The following GRIA4 variants were observed in gnomAD, a reference collection of about 807,000 sequenced individuals.
GRIA4 encodes glutamate receptor 4.
In GRIA4, 34 loss-of-function variants were observed where a neutral mutation model predicts 104.0. The observed-to-expected ratio is 0.33, with a 90% CI of 0.25 to 0.44. The LOEUF is 0.44. GRIA4 is among the 20% of genes least tolerant of loss of function. The pLI is 1.00. For missense variants in GRIA4, 750 were observed against 1,096.5 expected, an observed-to-expected ratio of 0.68 and a Z score of 4.46; for synonymous variants, 386 against 381.9, an observed-to-expected ratio of 1.01 and a Z score of -0.13.
At chr11:105,629,197 T>G (rs1238787285) in intron 3 of GRIA4, among the ~76,000 whole-genome samples, 1 of 151,742 alleles carries the variant, frequency 6.6e-6, no homozygotes, top group Non-Finnish European at 1.5e-5. Context: ...GCTATGATTG[T>G]ACTCCAGGCT....
intron 13 of GRIA4, among the ~76,000 whole-genome samples, chr11:105,930,639 G>A (rs1751283406): frequency 6.6e-6 from 1 of 152,038 alleles, no homozygotes; most frequent in Admixed American, 6.6e-5. Flanking sequence ...GCATTCTATA[G>A]TTAAGTGATC....
At chr11:105,973,071 C>T (rs1379067153) in intron 15 of GRIA4, among the ~76,000 whole-genome samples, 1 of 152,088 alleles carries the variant, frequency 6.6e-6, no homozygotes, top group African/African-American at 2.4e-5. Flanking sequence ...ATAATTAAAC[C>T]ATTACCTGAA....
chr11:105,758,222 T>C (rs1036798220), intron 4 of GRIA4, among the ~76,000 whole-genome samples: 5 of 152,124 alleles, frequency 3.3e-5, no homozygotes, highest in African/African-American at 1.2e-4. Flanking sequence ...TCAGCCTGGG[T>C]GACACAGGGA....
At chr11:105,844,359 C>T (rs1284441914) in intron 4 of GRIA4, among the ~76,000 whole-genome samples, 1 of 152,176 alleles carries the variant, frequency 6.6e-6, no homozygotes, top group East Asian at 1.9e-4. Context: ...TTCTACTCCA[C>T]TCTGACCTCA....
At chr11:105,928,791 T>G (rs960223257) in intron 13 of GRIA4, among the ~76,000 whole-genome samples, 4 of 152,028 alleles carry the variant, frequency 2.6e-5, no homozygotes, top group African/African-American at 9.7e-5. Flanking sequence ...TCTTTAGCAT[T>G]AAGCACACTG....
chr11:105,861,673 A>G (rs1459444076), intron 4 of GRIA4, among the ~76,000 whole-genome samples: 1 of 152,180 alleles, frequency 6.6e-6, no homozygotes. Context: ...TAGTGAGTAA[A>G]ATAACAAAAA....
chr11:105,960,863 G>A lies in GRIA4; in HGVS notation c.2295-11051G>A, dbSNP rs73550991. On this transcript the variant is annotated intron_variant, in intron 14 of 16. Transcript: ENST00000282499. ...CTCACTCACCGCCTCCCGTGGCTGTGGAGAGGAGGTTCCCCTTCCCGGTGT... is the reference window on the plus strand; with the variant it reads ...CTCACTCACCGCCTCCCGTGGCTGTAGAGAGGAGGTTCCCCTTCCCGGTGT... Among the ~76,000 whole-genome samples, 342 of 152,334 alleles carry A rather than the reference G, an allele frequency of 2.2e-3. 2 individuals are homozygous for A. Among genetic ancestry groups the A allele is most frequent in the African/African-American group, 8.0e-3 (333 of 41,578 alleles).
chr11:105,928,207 A>G (rs888668147), intron 13 of GRIA4, among the ~76,000 whole-genome samples: 1 of 151,998 alleles, frequency 6.6e-6, no homozygotes, highest in Non-Finnish European at 1.5e-5. Context: ...TCATATCAAG[A>G]GCAAATCACT....
At chr11:105,950,094 C>T (rs1257089411) in intron 14 of GRIA4, among the ~76,000 whole-genome samples, 1 of 152,086 alleles carries the variant, frequency 6.6e-6, no homozygotes, top group Non-Finnish European at 1.5e-5. Flanking sequence ...GCTTGAATGT[C>T]AGAAAAGTTA....
At position 105,951,545 on chromosome 11, in the gene GRIA4, T is replaced by A. The variant is rs192924575; in HGVS notation, c.2294+17576T>A. ...GGCAGGGACTTTACTGAGTATAGTC[T>A]CAAACACCCCAAGGCCACCACAAAT... is the stretch of plus-strand genomic sequence containing the variant. On this transcript the variant is annotated intron_variant, in intron 14 of 16. Coordinates refer to ENST00000282499, the MANE Select transcript of GRIA4 (RefSeq NM_000829.4). 1.6e-4 allele frequency among the ~76,000 whole-genome samples: 24 copies of A among 152,324 alleles called. No individual in the cohort carries two copies. In the South Asian group the frequency reaches 3.5e-3, roughly 22 times the overall value.
intron 3 of GRIA4, among the ~76,000 whole-genome samples, chr11:105,699,112 T>C (rs1213672995): frequency 6.6e-6 from 1 of 152,206 alleles, no homozygotes; most frequent in Admixed American, 6.5e-5. Flanking sequence ...TGACAAGCTA[T>C]GTCTTCATGA....
intron 16 of GRIA4, among the ~76,000 whole-genome samples, chr11:105,978,050 A>C (rs1299310195): frequency 6.6e-6 from 1 of 152,096 alleles, no homozygotes; most frequent in African/African-American, 2.4e-5. Flanking sequence ...TACAATTTAC[A>C]TACAATAAAA....
At chr11:105,833,307 G>A (rs974644502) in intron 4 of GRIA4, among the ~76,000 whole-genome samples, 9 of 151,840 alleles carry the variant, frequency 5.9e-5, no homozygotes, top group South Asian at 2.1e-4. Flanking sequence ...TCTCTCATAC[G>A]TACACATGTA....
Position 105,632,697 on chromosome 11 carries a change from G to A in GRIA4, c.247+20263G>A, listed in dbSNP as rs562919788. Among the ~76,000 whole-genome samples the A allele has an allele frequency of 1.8e-4, 27 of 152,298 alleles. No homozygotes were observed. In the South Asian group the frequency reaches 5.4e-3, roughly 30 times the overall value. ...GACTATAATCCTAGTGCTTTGGGAA[G>A]CTGAGGCAGGCAGAACACTTGAGGC... On this transcript the variant is annotated intron_variant, in intron 3 of 16. Coordinates refer to ENST00000282499, the MANE Select transcript of GRIA4 (RefSeq NM_000829.4).
chr11:105,724,083 C>T (rs911439640), intron 3 of GRIA4, among the ~76,000 whole-genome samples: 1 of 151,946 alleles, frequency 6.6e-6, no homozygotes, highest in Admixed American at 6.6e-5. Flanking sequence ...ATTCATATGA[C>T]GTCTATAGAG....
intron 3 of GRIA4, among the ~76,000 whole-genome samples, chr11:105,679,276 A>G (rs1037089): frequency 0.97 from 147,994 of 152,182 alleles, 72,064 homozygotes; most frequent in Non-Finnish European, 1. Context: ...TTTACTCAGA[A>G]TCCACCTTTT....
intron 5 of GRIA4, among the ~76,000 whole-genome samples, chr11:105,866,703 T>G (rs1217079775): frequency 6.6e-6 from 1 of 151,610 alleles, no homozygotes; most frequent in Non-Finnish European, 1.5e-5. Context: ...CCTAAAATCC[T>G]ACTAAAATAT....
chr11:105,700,333 T>C (rs552586839), intron 3 of GRIA4, among the ~76,000 whole-genome samples: 1 of 152,310 alleles, frequency 6.6e-6, no homozygotes, highest in South Asian at 2.1e-4. Flanking sequence ...ATCATTCTCC[T>C]CTTCTTTAAT....
intron 4 of GRIA4, among the ~76,000 whole-genome samples, chr11:105,755,148 T>C (rs1232974023): frequency 6.6e-6 from 1 of 152,214 alleles, no homozygotes; most frequent in Non-Finnish European, 1.5e-5. Context: ...AAGAGTAGTA[T>C]GTTTATGCAG....
Sources: gnomAD v4.1 joint callset for allele counts (sites outside exome capture counted in the v4.1 genomes callset) on GRCh38, gnomAD v4.1.1 for gene constraint, MANE v1.5 for transcripts, NCBI Gene and HGNC (gene_info 2026-07-23, HGNC 2026-07-21) for gene names.